GABRB2: variants seen among roughly 807,000 people sequenced by gnomAD.
GABRB2 encodes gamma-aminobutyric acid type A receptor subunit beta2, also known as gamma-aminobutyric acid receptor subunit beta-2.
In GABRB2, 16 loss-of-function variants were observed where a neutral mutation model predicts 54.7. The ratio of observed to expected loss-of-function variants is 0.29; its 90% CI spans 0.20 to 0.44. The LOEUF (loss-of-function observed/expected upper bound fraction) is 0.44, where lower values mean the gene tolerates loss of function less well. Ranked by LOEUF, GABRB2 falls within the 20% of genes least tolerant of loss-of-function variation. GABRB2 has a pLI of 1.00. For synonymous variants in GABRB2, 244 were observed against 233.8 expected (o/e 1.04, Z -0.40); for missense variants, 355 against 644.0 (o/e 0.55, Z 4.86).
Position 161,336,633 on chromosome 5 carries a change from T to C in GABRB2, c.678A>G (p.Thr226=). The change falls in exon 6 of 10, where the codon ACA becomes ACG. Residue 226 remains threonine (T), a splice_region_variant and synonymous_variant. Coordinates refer to ENST00000393959, the MANE Select transcript of GABRB2 (RefSeq NM_001371727.1). ...KLITKKVVFS[T]GSYPRLSLSF... ...TTAACACTTTTCCATGATACAAACC[T>C]GTGGAAAAAACAACCTTCTTGGTGA... 6.2e-7 allele frequency: 1 copy of C among 1,612,790 alleles called. No homozygotes were observed. Among genetic ancestry groups the C allele is most frequent in the Non-Finnish European group, 8.5e-7 (1 of 1,179,290 alleles).
chr5:161,431,962 G>A (rs928443002), intron 4 of GABRB2, among the ~76,000 whole-genome samples: 1 of 152,168 alleles, frequency 6.6e-6, no homozygotes, highest in Non-Finnish European at 1.5e-5. Context: ...TAGGCCATGT[G>A]CAACAAGTTA....
chr5:161,546,271 A>C (rs1760983880), intron 2 of GABRB2, 51 bp downstream of exon 2: 10 of 1,489,050 alleles, frequency 6.7e-6, no homozygotes, highest in South Asian at 2.3e-5. Context: ...CACAAAGCTC[A>C]AAAGACAGCT....
chr5:161,509,533 C>T (rs1759703067), intron 3 of GABRB2, among the ~76,000 whole-genome samples: 1 of 151,950 alleles, frequency 6.6e-6, no homozygotes, highest in Non-Finnish European at 1.5e-5. Flanking sequence ...TTGGAATCAG[C>T]TCCACACCTT....
At chr5:161,372,648 A>G (rs549827710) in intron 5 of GABRB2, among the ~76,000 whole-genome samples, 19 of 152,262 alleles carry the variant, frequency 1.2e-4, no homozygotes, top group Admixed American at 4.6e-4. Flanking sequence ...TAATATTAAC[A>G]ATAATAAAAG....
intron 4 of GABRB2, among the ~76,000 whole-genome samples, chr5:161,435,139 T>C (rs1321910665): frequency 2.0e-5 from 3 of 152,158 alleles, no homozygotes; most frequent in Non-Finnish European, 4.4e-5. Context: ...CTTATGAAAA[T>C]TATACCAGTT....
At chr5:161,423,835 C>T (rs534618500) in intron 4 of GABRB2, among the ~76,000 whole-genome samples, 39 of 152,136 alleles carry the variant, frequency 2.6e-4, no homozygotes, top group South Asian at 4.1e-4. Flanking sequence ...ATGTTATGAA[C>T]GCAAAACAAA....
intron 9 of GABRB2, among the ~76,000 whole-genome samples, chr5:161,315,213 A>G (rs1028732279): frequency 2.6e-5 from 4 of 152,230 alleles, no homozygotes; most frequent in Non-Finnish European, 5.9e-5. Context: ...CAGAATAAAT[A>G]TGTTTACAAA....
chr5:161,522,002 A>G lies in GABRB2; in HGVS notation c.237+23225T>C, dbSNP rs1017588966. On this transcript the variant is annotated intron_variant, in intron 3 of 9. Transcript: ENST00000393959. ...TCTAGCATTACTAAGCTGCACAACC[A>G]GTTCCTTAATTTTTCCTCTATCACA... 3.3e-5 allele frequency among the ~76,000 whole-genome samples: 5 copies of G among 152,054 alleles called. No individual in the cohort carries two copies. The East Asian group carries it at 7.7e-4, about 23-fold the overall frequency.
chr5:161,374,353 G>A (rs1934519572), intron 5 of GABRB2, among the ~76,000 whole-genome samples: 1 of 152,082 alleles, frequency 6.6e-6, no homozygotes, highest in Non-Finnish European at 1.5e-5. Context: ...TGATTCCTAG[G>A]ACAGACTATT....
chr5:161,533,274 T>C (rs1285051010), intron 3 of GABRB2, among the ~76,000 whole-genome samples: 1 of 152,180 alleles, frequency 6.6e-6, no homozygotes, highest in African/African-American at 2.4e-5. Context: ...TCTCCTTGTG[T>C]AATAAAATAT....
At position 161,528,142 on chromosome 5, in the gene GABRB2, C is replaced by T. The variant is rs188229617; in HGVS notation, c.237+17085G>A. Among the ~76,000 whole-genome samples the T allele has an allele frequency of 1.7e-3, 263 of 151,776 alleles. 1 individual carries two copies. The highest frequency in any genetic ancestry group is 6.0e-3 in the African/African-American group (251 of 41,502). ...CAACTGTTATAAAAATTATAGATTA[C>T]ATCAAGAGATGTTCACAAAACATTA... On this transcript the variant is annotated intron_variant, in intron 3 of 9. Transcript: ENST00000393959.
chr5:161,546,968 G>A, upstream of GABRB2: 1 of 274,010 alleles, frequency 3.6e-6, no homozygotes, highest in East Asian at 8.9e-5. Context: ...GGTAAGTTTC[G>A]GTAGTTGCAA....
chr5:161,490,012 T>C (rs1158913303), intron 3 of GABRB2, among the ~76,000 whole-genome samples: 1 of 151,672 alleles, frequency 6.6e-6, no homozygotes. Flanking sequence ...CCAATGTTTG[T>C]GCTGTAAGCA....
chr5:161,398,680 TTG>T (rs1756080932), intron 5 of GABRB2, among the ~76,000 whole-genome samples: 1 of 134,902 alleles, frequency 7.4e-6, no homozygotes, highest in Non-Finnish European at 1.5e-5. Flanking sequence ...GTTTTTTTTG[TTG>T]TTGTTGTTTT....
At chr5:161,374,746 ACT>A (rs1406606815) in intron 5 of GABRB2, among the ~76,000 whole-genome samples, 1 of 151,882 alleles carries the variant, frequency 6.6e-6, no homozygotes, top group Non-Finnish European at 1.5e-5. Flanking sequence ...TTTCCTCATT[ACT>A]CTGTTTCCCT....
At chr5:161,410,356 A>G (rs1756470185) in intron 5 of GABRB2, among the ~76,000 whole-genome samples, 1 of 150,852 alleles carries the variant, frequency 6.6e-6, no homozygotes, top group Non-Finnish European at 1.5e-5. Flanking sequence ...AAGCAAGCAC[A>G]TTGCAAAACA....
chr5:161,371,589 T>C (rs910362048), intron 5 of GABRB2, among the ~76,000 whole-genome samples: 9 of 152,202 alleles, frequency 5.9e-5, no homozygotes, highest in African/African-American at 1.4e-4. Context: ...GATCAGGTAA[T>C]ACATTTTCTA....
At chr5:161,403,202 A>C (rs2113087862) in intron 5 of GABRB2, among the ~76,000 whole-genome samples, 1 of 152,270 alleles carries the variant, frequency 6.6e-6, no homozygotes, top group Admixed American at 6.5e-5. Context: ...ATCAGGACAG[A>C]GTTTCAGATA....
chr5:161,448,041 C>T (rs1192709911), intron 4 of GABRB2, among the ~76,000 whole-genome samples: 1 of 152,066 alleles, frequency 6.6e-6, no homozygotes, highest in African/African-American at 2.4e-5. Flanking sequence ...AATCAAGAAA[C>T]TCAAAGGGAT....
Sources: allele counts gnomAD v4.1 joint callset (sites outside exome capture counted in the v4.1 genomes callset), GRCh38; gene constraint gnomAD v4.1.1; transcripts MANE v1.5; gene names NCBI Gene and HGNC (gene_info 2026-07-23, HGNC 2026-07-21).